Variants in EDA2R observed in about 807,000 individuals in gnomAD.
EDA2R encodes tumor necrosis factor receptor superfamily member 27.
EDA2R carries 26 observed loss-of-function variants against 20.1 expected under a neutral mutation model. The observed-to-expected ratio is 1.30, with a 90% CI of 0.95 to 1.80. The LOEUF (loss-of-function observed/expected upper bound fraction) is 1.80, where lower values mean the gene tolerates loss of function less well. Among genes scored for constraint, EDA2R ranks in the 40% most tolerant of loss-of-function variants. The pLI, the probability that EDA2R is intolerant of heterozygous loss-of-function variation, is 0.00. For missense variants in EDA2R, 277 were observed against 228.7 expected, an observed-to-expected ratio of 1.21 and a Z score of -1.36; for synonymous variants, 114 against 88.7, an observed-to-expected ratio of 1.29 and a Z score of -1.60.
intron 1 of EDA2R, among the ~76,000 whole-genome samples, chrX:66,634,028 T>C (rs1292334380): frequency 1.8e-5 from 2 of 111,123 alleles, no homozygotes; most frequent in African/African-American, 3.3e-5. Flanking sequence ...CCCATGGCAA[T>C]CAAGTACTCC....
intron 1 of EDA2R, among the ~76,000 whole-genome samples, chrX:66,632,992 C>T (rs1458066336): frequency 8.9e-6 from 1 of 111,934 alleles, no homozygotes; most frequent in Non-Finnish European, 1.9e-5. Context: ...CATCTATTCT[C>T]CTTTGTCTTT....
intron 1 of EDA2R, among the ~76,000 whole-genome samples, chrX:66,618,169 G>A (rs970593291): frequency 8.9e-6 from 1 of 112,398 alleles, no homozygotes; most frequent in Non-Finnish European, 1.9e-5. Flanking sequence ...TTAAAGGCGT[G>A]AGGCACCTTG....
At chrX:66,601,641 T>C (rs1928623371) in intron 5 of EDA2R, among the ~76,000 whole-genome samples, 1 of 110,444 alleles carries the variant, frequency 9.1e-6, no homozygotes, top group African/African-American at 3.3e-5. Flanking sequence ...TGAAAAGGAG[T>C]CCTGAGCACT....
intron 2 of EDA2R, 76 bp from the exon 3 acceptor site, chrX:66,605,302 G>A (rs1481941530): frequency 3.1e-6 from 3 of 970,345 alleles, no homozygotes; most frequent in East Asian, 3.6e-5. Flanking sequence ...CAAGTGGACT[G>A]TACAGGGTAG....
In EDA2R at chrX:66,605,227, C is replaced by T; in HGVS notation, c.88-1G>A. On this transcript the variant is annotated splice_acceptor_variant, in intron 2 of 6. Coordinates refer to ENST00000374719, the MANE Select transcript of EDA2R (RefSeq NM_021783.5). LOFTEE classifies it high-confidence loss of function. ...CTCCACCCTCTCCATAACCACAATC[C>T]TGTAGACAGATGGGGGTTGTTAATA... 8.3e-7 allele frequency: 1 copy of T among 1,200,160 alleles called. No homozygotes were observed. Among genetic ancestry groups the T allele is most frequent in the Admixed American group, 2.2e-5 (1 of 44,725 alleles).
At chrX:66,603,206 A>G (rs766954042) in intron 4 of EDA2R, among the ~76,000 whole-genome samples, 6 of 111,828 alleles carry the variant, frequency 5.4e-5, no homozygotes, top group Admixed American at 2.8e-4. Flanking sequence ...CTAGAGGGGG[A>G]AAAAGGAAGT....
At position 66,596,738 on chromosome X, in the gene EDA2R, GAAAAACAAAAAC is replaced by G. The variant is rs771209321; in HGVS notation, c.*1354_*1365del. The G allele has an allele frequency of 1.9e-5, 2 of 106,223 alleles. No homozygotes were observed. Among genetic ancestry groups the G allele is most frequent in the Admixed American group, 9.9e-5 (1 of 10,052 alleles). The allele number at this position is 106,223 out of a possible 1,213,427, so 8.8% of individuals were successfully genotyped here. A position where few individuals can be genotyped will look rare whatever the true frequency, so the allele number is the denominator to read the frequency against. On this transcript the variant is annotated 3_prime_UTR_variant, in exon 7 of 7. Coordinates refer to ENST00000374719, the MANE Select transcript of EDA2R (RefSeq NM_021783.5). ...AGTGAGATAAGAATAACCTGTTGCA[GAAAAACAAAAAC>G]AAAAACAAAAACAAAAAAAAAACAG...
intron 1 of EDA2R, among the ~76,000 whole-genome samples, chrX:66,632,898 TA>T (rs1933973685): frequency 8.9e-6 from 1 of 112,177 alleles, no homozygotes; most frequent in African/African-American, 3.2e-5. Context: ...TTTTAACTGT[TA>T]GTGATAGCAA....
chrX:66,622,801 C>A (rs1417317484), intron 1 of EDA2R, among the ~76,000 whole-genome samples: 1 of 112,282 alleles, frequency 8.9e-6, no homozygotes, highest in East Asian at 2.8e-4. Context: ...TGACCCAAGG[C>A]CACTTCTATC....
chrX:66,618,323 G>A (rs1194729543), intron 1 of EDA2R, among the ~76,000 whole-genome samples: 1 of 112,436 alleles, frequency 8.9e-6, no homozygotes, highest in Non-Finnish European at 1.9e-5. Context: ...CAGGGCGTAT[G>A]TGTAAAACTA....
chrX:66,628,481 C>T (rs1420802536), intron 1 of EDA2R, among the ~76,000 whole-genome samples: 1 of 110,889 alleles, frequency 9.0e-6, no homozygotes, highest in East Asian at 2.8e-4. Context: ...ATCCAAATAA[C>T]CTCATTAAGA....
At chrX:66,614,375 T>C (rs1931303598) in intron 2 of EDA2R, among the ~76,000 whole-genome samples, 1 of 112,163 alleles carries the variant, frequency 8.9e-6, no homozygotes, top group Non-Finnish European at 1.9e-5. Flanking sequence ...AATATACTTA[T>C]GGTTCATGTC....
chrX:66,624,985 C>A (rs1220949946), intron 1 of EDA2R, among the ~76,000 whole-genome samples: 2 of 111,649 alleles, frequency 1.8e-5, no homozygotes, highest in South Asian at 7.6e-4. Context: ...GAGAGCTGAG[C>A]AAAATACAGG....
chrX:66,614,750 C>G, intron 2 of EDA2R, among the ~76,000 whole-genome samples: 1 of 111,753 alleles, frequency 8.9e-6, no homozygotes, highest in Middle Eastern at 4.6e-3. Flanking sequence ...TGTTGTTTTC[C>G]AGCCACAGAT....
At chrX:66,634,953 A>G (rs1370315015) in intron 1 of EDA2R, among the ~76,000 whole-genome samples, 1 of 112,147 alleles carries the variant, frequency 8.9e-6, no homozygotes, top group Non-Finnish European at 1.9e-5. Flanking sequence ...TGGCTTAACC[A>G]CAACGGTGAC....
chrX:66,601,566 C>T (rs777535792), intron 5 of EDA2R, among the ~76,000 whole-genome samples: 40 of 111,991 alleles, frequency 3.6e-4, no homozygotes, highest in Non-Finnish European at 5.3e-4. Flanking sequence ...TGACCCAAGG[C>T]AAATTTACAT....
chrX:66,630,186 C>G (rs1019701042), intron 1 of EDA2R, among the ~76,000 whole-genome samples: 3 of 111,505 alleles, frequency 2.7e-5, no homozygotes, highest in Non-Finnish European at 5.7e-5. Flanking sequence ...ACACACAAAT[C>G]AATTCAAGAT....
At chrX:66,612,053 T>A (rs993732714) in intron 2 of EDA2R, among the ~76,000 whole-genome samples, 14 of 111,936 alleles carry the variant, frequency 1.3e-4, no homozygotes, top group African/African-American at 4.5e-4. Flanking sequence ...ATAAAAAAAC[T>A]GTCAACTGCA....
Position 66,602,665 on chromosome X carries a change from C to A in EDA2R, c.485G>T (p.Cys162Phe), listed in dbSNP as rs760050240. 1.7e-6 allele frequency: 2 copies of A among 1,201,450 alleles called. No individual in the cohort carries two copies. The highest frequency in any genetic ancestry group is 1.8e-5 in the South Asian group (1 of 55,189). ...GCAATGTCTGTTGAAGAACTGCTTG[C>A]AGTAGAGGAAGAAGAGCCCCAGGAA... ...LAFLGLFFLY[C>F]KQFFNRHCQR... The change falls in exon 5 of 7, where the codon TGC becomes TTC. Residue 162 changes from cysteine to phenylalanine, a missense_variant. Transcript: ENST00000374719.
Sources: gnomAD v4.1 joint callset for allele counts (sites outside exome capture counted in the v4.1 genomes callset) on GRCh38, gnomAD v4.1.1 for gene constraint, MANE v1.5 for transcripts, NCBI Gene and HGNC (gene_info 2026-07-23, HGNC 2026-07-21) for gene names.